Variants in TFB1M observed in about 807,000 individuals in gnomAD.
TFB1M encodes dimethyladenosine transferase 1, mitochondrial.
A neutral mutation model predicts 31.1 loss-of-function variants in TFB1M; 27 were observed. The ratio of observed to expected loss-of-function variants is 0.87; its 90% confidence interval spans 0.64 to 1.20. The LOEUF is 1.20. TFB1M is among the 50% of genes most tolerant of loss of function. TFB1M has a pLI of 0.00. For missense variants in TFB1M, 394 were observed against 418.7 expected (o/e 0.94, Z 0.51); for synonymous variants, 166 against 151.8 (o/e 1.09, Z -0.69).
chr6:155,297,117 GA>G lies in TFB1M; in HGVS notation c.395-14del, dbSNP rs1406150120. ...ACATTTGGAGGATCTGGTGGCAGAG[GA>G]AAAAACAACCTGAAATGATTCCATC... is the stretch of plus-strand genomic sequence containing the variant. On this transcript the variant is annotated splice_polypyrimidine_tract_variant and intron_variant, in intron 3 of 6. Coordinates refer to ENST00000367166, the MANE Select transcript of TFB1M (RefSeq NM_016020.4). The G allele has an allele frequency of 6.2e-7, 1 of 1,612,026 alleles. No individual in the cohort carries two copies. The highest frequency in any genetic ancestry group is 1.3e-5 in the African/African-American group (1 of 74,938).
chr6:155,235,123 C>T, the TFB1M span, among the ~76,000 whole-genome samples: 2 of 152,174 alleles, frequency 1.3e-5, no homozygotes, highest in African/African-American at 4.8e-5. Context: ...CCTCCTTGCC[C>T]CTCAGCTGGA....
chr6:155,302,608 A>G (rs1777479213), intron 2 of TFB1M, among the ~76,000 whole-genome samples: 1 of 152,184 alleles, frequency 6.6e-6, no homozygotes, highest in Non-Finnish European at 1.5e-5. Context: ...TAAATTTATG[A>G]ACAGAGCAAA....
At chr6:155,272,852 A>G (rs140901718) in intron 5 of TFB1M, among the ~76,000 whole-genome samples, 62 of 152,320 alleles carry the variant, frequency 4.1e-4, no homozygotes, top group African/African-American at 1.4e-3. Flanking sequence ...ATCATGATGA[A>G]CAAACTGTCT....
chr6:155,237,177 G>A, the TFB1M span, among the ~76,000 whole-genome samples: 1 of 152,314 alleles, frequency 6.6e-6, no homozygotes, highest in South Asian at 2.1e-4. Flanking sequence ...CAAAATAAAG[G>A]GGCTCCAGGC....
At chr6:155,286,573 ACATGTG>A (rs1776657405) in intron 4 of TFB1M, among the ~76,000 whole-genome samples, 1 of 147,536 alleles carries the variant, frequency 6.8e-6, no homozygotes, top group African/African-American at 2.5e-5. Context: ...GTATATATAT[ACATGTG>A]TATATGTATA....
intron 4 of TFB1M, among the ~76,000 whole-genome samples, chr6:155,296,426 ATTTT>A (rs71023639): frequency 9.7e-6 from 1 of 103,452 alleles, no homozygotes; most frequent in Admixed American, 1.2e-4. Flanking sequence ...CACCCAGCTA[ATTTT>A]TTTTTTTTTT....
the TFB1M span, chr6:155,248,100 A>T: frequency 1.9e-6 from 3 of 1,614,206 alleles, no homozygotes; most frequent in Non-Finnish European, 1.7e-6. Context: ...CGGTTCAGAG[A>T]GTGCTCAAGT....
At chr6:155,252,516 C>T (rs1051041073), downstream of TFB1M, among the ~76,000 whole-genome samples, 2 of 152,074 alleles carry the variant, frequency 1.3e-5, no homozygotes, top group African/African-American at 2.4e-5. Context: ...CATATGGGGG[C>T]CTACATAGAA....
rs1010641106 is a variant in TFB1M, at chr6:155,257,527, A to G, written c.*309T>C. 2.8e-5 allele frequency: 10 copies of G among 362,608 alleles called. No individual in the cohort carries two copies. The highest frequency in any genetic ancestry group is 1.9e-4 in the African/African-American group (9 of 47,086). 22.5% of individuals were successfully genotyped at this position (362,608 alleles called of 1,614,324 possible). A position where few individuals can be genotyped will look rare whatever the true frequency, so the allele number is the denominator to read the frequency against. ...TTTTTGCTTTATTTAAAGCATATTT[A>G]AGTTATTTTAATGTGGTTTAGGGGC... On this transcript the variant is annotated 3_prime_UTR_variant, in exon 7 of 7. Coordinates refer to ENST00000367166, the MANE Select transcript of TFB1M (RefSeq NM_016020.4).
In TFB1M at chr6:155,311,051, C is replaced by G. The variant is rs897228304; in HGVS notation, c.285+137G>C. ...TTTCTCCAGACTATGGAATCAAAATCTCTGGAATGGGGCCTTGGGGATCTA... is the reference window on the plus strand; with the variant it reads ...TTTCTCCAGACTATGGAATCAAAATGTCTGGAATGGGGCCTTGGGGATCTA... On this transcript the variant is annotated intron_variant, in intron 2 of 6. Coordinates refer to ENST00000367166, the MANE Select transcript of TFB1M (RefSeq NM_016020.4). 3 of 928,780 alleles carry G rather than the reference C, an allele frequency of 3.2e-6. No individual in the cohort carries two copies. In the East Asian group the frequency reaches 7.7e-5, roughly 24 times the overall value. The allele number at this position is 928,780 out of a possible 1,614,324, so 57.5% of individuals were successfully genotyped here. A position where few individuals can be genotyped will look rare whatever the true frequency, so the allele number is the denominator to read the frequency against.
At chr6:155,231,912 C>T in the TFB1M span, among the ~76,000 whole-genome samples, 1 of 152,204 alleles carries the variant, frequency 6.6e-6, no homozygotes, top group African/African-American at 2.4e-5. Context: ...GAAACCCTGT[C>T]TCTACTAAAA....
At chr6:155,248,780 G>A in the TFB1M span, among the ~76,000 whole-genome samples, 1 of 152,192 alleles carries the variant, frequency 6.6e-6, no homozygotes, top group Non-Finnish European at 1.5e-5. Flanking sequence ...TCCTTAAAGA[G>A]GGGCTTTATT....
Position 155,297,188 on chromosome 6 carries a change from G to A in TFB1M, c.395-84C>T, listed in dbSNP as rs1010032280. On this transcript the variant is annotated intron_variant, in intron 3 of 6. Transcript: ENST00000367166. The stretch of plus-strand genomic sequence containing the variant: ...TTCAGTGACGAGTAAAATCAGACTG[G>A]ATATTAATAGCATCAAAGAAAAATA... 3 of 1,407,510 alleles carry A rather than the reference G, an allele frequency of 2.1e-6. No homozygotes were observed. In the East Asian group the frequency reaches 6.9e-5, roughly 32 times the overall value. 87.2% of individuals were successfully genotyped at this position (1,407,510 alleles called of 1,614,324 possible). A position where few individuals can be genotyped will look rare whatever the true frequency, so the allele number is the denominator to read the frequency against.
intron 3 of TFB1M, 61 bp downstream of exon 3, chr6:155,298,416 G>T: frequency 1.2e-6 from 1 of 855,704 alleles, no homozygotes; most frequent in South Asian, 1.4e-5. Flanking sequence ...ATCATAAAAT[G>T]AACATTTGTG....
intron 4 of TFB1M, among the ~76,000 whole-genome samples, chr6:155,291,862 G>A (rs1776941605): frequency 6.6e-6 from 1 of 152,164 alleles, no homozygotes; most frequent in Admixed American, 6.5e-5. Flanking sequence ...TCTAAGAAAT[G>A]AAATTCTTAT....
At chr6:155,259,750 C>T (rs370479138) in intron 6 of TFB1M, among the ~76,000 whole-genome samples, 2 of 152,216 alleles carry the variant, frequency 1.3e-5, no homozygotes, top group Non-Finnish European at 2.9e-5. Context: ...CAGAGCCCAT[C>T]GAGGTGGGCG....
At chr6:155,271,572 T>C (rs184119842) in intron 5 of TFB1M, among the ~76,000 whole-genome samples, 210 of 152,310 alleles carry the variant, frequency 1.4e-3, no homozygotes, top group Non-Finnish European at 2.5e-3. Flanking sequence ...TAAAAAACTT[T>C]CTTCTGAATG....
intron 5 of TFB1M, among the ~76,000 whole-genome samples, chr6:155,267,206 C>T (rs965924049): frequency 1.3e-5 from 2 of 152,126 alleles, no homozygotes; most frequent in African/African-American, 4.8e-5. Context: ...AACTTCTGGC[C>T]GCAAGCAATC....
At chr6:155,264,027 G>A (rs750008364) in intron 5 of TFB1M, 2 of 152,168 alleles carry the variant, frequency 1.3e-5, no homozygotes, top group Non-Finnish European at 2.9e-5. Context: ...TTCGAAGTGG[G>A]ATGATCACGG....
Sources: gnomAD v4.1 joint callset for allele counts (sites outside exome capture counted in the v4.1 genomes callset) on GRCh38, gnomAD v4.1.1 for gene constraint, MANE v1.5 for transcripts, NCBI Gene and HGNC (gene_info 2026-07-23, HGNC 2026-07-21) for gene names.